Variants in BATF observed in about 807,000 individuals in gnomAD.
The protein encoded by BATF is basic leucine zipper transcriptional factor ATF-like.
A neutral mutation model predicts 13.7 loss-of-function variants in BATF; 5 were observed. The observed-to-expected ratio is 0.36, with a 90% CI of 0.19 to 0.77. The LOEUF (loss-of-function observed/expected upper bound fraction) is 0.77, where lower values mean the gene tolerates loss of function less well. Ranked by LOEUF, BATF falls within the 30% of genes least tolerant of loss-of-function variation. BATF has a pLI of 0.51. For missense variants in BATF, 124 were observed against 163.0 expected (o/e 0.76, Z 1.30); for synonymous variants, 72 against 67.5 (o/e 1.07, Z -0.33).
chr14:75,536,407 G>A (rs937680419), intron 2 of BATF, among the ~76,000 whole-genome samples: 2 of 152,058 alleles, frequency 1.3e-5, no homozygotes, highest in African/African-American at 4.8e-5. Context: ...AGACCATAAG[G>A]GAGTGAGGAG....
chr14:75,524,297 C>T (rs1224966603), intron 1 of BATF, among the ~76,000 whole-genome samples: 3 of 152,212 alleles, frequency 2.0e-5, no homozygotes, highest in Admixed American at 6.5e-5. Context: ...GCCAGGTCAC[C>T]TCCACCATTA....
rs551692048 is a variant in BATF, at chr14:75,546,524, G to A, written c.231G>A (p.Glu77=). The change falls in exon 3 of 3, where the codon GAG becomes GAA. Residue 77 remains glutamate, a synonymous_variant. Coordinates refer to ENST00000286639, the MANE Select transcript of BATF (RefSeq NM_006399.5). The part of the protein sequence containing the change: ...ALRKEIKQLT[E]ELKYFTSVLN... ...GCAAGGAGATCAAGCAGCTCACAGA[G>A]GAACTGAAGTACTTCACGTCGGTGC... 1 of 1,614,214 alleles carries A rather than the reference G, an allele frequency of 6.2e-7. No individual in the cohort carries two copies. The highest frequency in any genetic ancestry group is 1.3e-5 in the African/African-American group (1 of 75,058).
chr14:75,531,549 G>C (rs1887733862), intron 2 of BATF, among the ~76,000 whole-genome samples: 1 of 152,196 alleles, frequency 6.6e-6, no homozygotes, highest in East Asian at 1.9e-4. Flanking sequence ...GTCTTAGATG[G>C]AAGTGGGCCA....
chr14:75,522,802 G>A, intron 1 of BATF, 57 bp downstream of exon 1: 2 of 1,606,020 alleles, frequency 1.2e-6, no homozygotes, highest in Non-Finnish European at 1.7e-6. Context: ...GATGGAAAGA[G>A]AGCCAGGCTT....
intron 2 of BATF, among the ~76,000 whole-genome samples, chr14:75,526,143 G>A (rs535547428): frequency 6.6e-6 from 1 of 152,290 alleles, no homozygotes; most frequent in Admixed American, 6.5e-5. Flanking sequence ...TTCCGCCAGT[G>A]GCCAAGGCCC....
intron 2 of BATF, among the ~76,000 whole-genome samples, chr14:75,533,915 G>A (rs891887000): frequency 6.6e-6 from 1 of 152,130 alleles, no homozygotes; most frequent in Non-Finnish European, 1.5e-5. Context: ...TTTGTTTCAT[G>A]CCACTTTGCT....
intron 2 of BATF, among the ~76,000 whole-genome samples, chr14:75,533,349 A>G (rs940166384): frequency 4.0e-5 from 6 of 150,804 alleles, no homozygotes; most frequent in African/African-American, 1.5e-4. Context: ...AACGGCATGA[A>G]CCTGGGAGGC....
chr14:75,541,972 A>C (rs1265608377), intron 2 of BATF, among the ~76,000 whole-genome samples: 1 of 151,078 alleles, frequency 6.6e-6, no homozygotes, highest in African/African-American at 2.4e-5. Context: ...CCAACTTTCT[A>C]GTGTTCTCGG....
At chr14:75,529,585 T>C (rs1325400166) in intron 2 of BATF, among the ~76,000 whole-genome samples, 1 of 152,236 alleles carries the variant, frequency 6.6e-6, no homozygotes, top group East Asian at 1.9e-4. Context: ...AAGGAAAAGA[T>C]TGATATACAT....
At chr14:75,528,054 T>C (rs1346441570) in intron 2 of BATF, among the ~76,000 whole-genome samples, 1 of 152,202 alleles carries the variant, frequency 6.6e-6, no homozygotes, top group Non-Finnish European at 1.5e-5. Context: ...TAATTATGTC[T>C]GAGATTCAGG....
intron 2 of BATF, among the ~76,000 whole-genome samples, chr14:75,528,004 C>T (rs927021831): frequency 6.6e-6 from 1 of 152,192 alleles, no homozygotes; most frequent in Non-Finnish European, 1.5e-5. Flanking sequence ...TCCTTTCCTC[C>T]GAGATGACAA....
chr14:75,542,144 C>T (rs957370), intron 2 of BATF, among the ~76,000 whole-genome samples: 139,149 of 152,264 alleles, frequency 0.91, 63,577 homozygotes, highest in South Asian at 0.94. Flanking sequence ...AAAACAAGTG[C>T]CTTGAGGTGA....
At chr14:75,529,055 A>G (rs1202138763) in intron 2 of BATF, among the ~76,000 whole-genome samples, 4 of 152,352 alleles carry the variant, frequency 2.6e-5, no homozygotes, top group East Asian at 3.9e-4. Flanking sequence ...TGAGATCCCA[A>G]TAAAAAACCC....
chr14:75,545,462 T>C (rs1887967587), intron 2 of BATF, among the ~76,000 whole-genome samples: 1 of 146,182 alleles, frequency 6.8e-6, no homozygotes, highest in South Asian at 2.2e-4. Flanking sequence ...CTCGAACTCC[T>C]GACTTCAGGT....
intron 2 of BATF, among the ~76,000 whole-genome samples, chr14:75,545,335 C>G (rs112932582): frequency 0.026 from 3,886 of 151,672 alleles, 65 homozygotes; most frequent in Middle Eastern, 0.054. Context: ...AATTCTCTTC[C>G]CCGAGCCTCC....
At chr14:75,534,484 C>T (rs189755507) in intron 2 of BATF, among the ~76,000 whole-genome samples, 14 of 152,234 alleles carry the variant, frequency 9.2e-5, no homozygotes, top group African/African-American at 3.1e-4. Flanking sequence ...TAGAACACCC[C>T]CTCACCCTGC....
intron 2 of BATF, among the ~76,000 whole-genome samples, chr14:75,532,463 G>A (rs1277836783): frequency 6.6e-6 from 1 of 152,104 alleles, no homozygotes; most frequent in Non-Finnish European, 1.5e-5. Context: ...ACTATATATA[G>A]ATAGATACAA....
chr14:75,522,887 G>A lies in BATF; in HGVS notation c.63+142G>A, dbSNP rs938012613. ...GGCACTCTGTTAGACTTAGGACATG[G>A]AATTTGCTACTAAGCTGTGCATATT... is the stretch of plus-strand genomic sequence containing the variant. On this transcript the variant is annotated intron_variant, in intron 1 of 2. Transcript: ENST00000286639. The A allele has an allele frequency of 3.2e-5, 31 of 961,894 alleles. No individual in the cohort carries two copies. In the Admixed American group the frequency reaches 4.3e-4, roughly 13 times the overall value. 59.6% of individuals were successfully genotyped at this position (961,894 alleles called of 1,614,324 possible).
At chr14:75,538,466 A>G (rs760691578) in intron 2 of BATF, among the ~76,000 whole-genome samples, 16 of 152,166 alleles carry the variant, frequency 1.1e-4, no homozygotes, top group Non-Finnish European at 1.8e-4. Context: ...GAAGCAGTAC[A>G]TTTGCAGCCT....
Sources: allele counts gnomAD v4.1 joint callset (sites outside exome capture counted in the v4.1 genomes callset), GRCh38; gene constraint gnomAD v4.1.1; transcripts MANE v1.5; gene names NCBI Gene and HGNC (gene_info 2026-07-23, HGNC 2026-07-21).